The following PPTC7 variants were observed in gnomAD, a reference collection of about 807,000 sequenced individuals.
PPTC7 encodes the protein protein phosphatase targeting COQ7.
PPTC7 carries 6 observed loss-of-function variants against 30.8 expected under a neutral mutation model. The ratio of observed to expected loss-of-function variants is 0.19; its 90% CI spans 0.11 to 0.38. The LOEUF (loss-of-function observed/expected upper bound fraction) is 0.38. Ranked by LOEUF, PPTC7 falls within the 10% of genes least tolerant of loss-of-function variation. The pLI is 1.00. For synonymous variants in PPTC7, 163 were observed against 168.1 expected (o/e 0.97, Z 0.23); for missense variants, 218 against 404.8 (o/e 0.54, Z 3.96).
rs562039035 is a variant in PPTC7 at position 110,560,546 on chromosome 12, G to A, written c.224-8578C>T. Among the ~76,000 whole-genome samples, 251 of 152,260 alleles carry A rather than the reference G, an allele frequency of 1.6e-3. 1 individual carries two copies. The highest frequency in any genetic ancestry group is 3.2e-3 in the Non-Finnish European group (216 of 68,024). ...CTTCTGAACTAGTCAAAATCAGCAA[G>A]AGCGTCTCCAGTCCTGTCCTCCATT... On this transcript the variant is annotated intron_variant, in intron 1 of 5. Transcript: ENST00000354300.
At chr12:110,559,245 G>A (rs1428326998) in intron 1 of PPTC7, among the ~76,000 whole-genome samples, 1 of 151,318 alleles carries the variant, frequency 6.6e-6, no homozygotes, top group Non-Finnish European at 1.5e-5. Context: ...GCCCAGGCTG[G>A]TCTCAAACTC....
intron 4 of PPTC7, among the ~76,000 whole-genome samples, chr12:110,539,437 C>A (rs1232191746): frequency 1.3e-5 from 2 of 152,212 alleles, no homozygotes; most frequent in East Asian, 1.9e-4. Flanking sequence ...TCAGGTCACA[C>A]TGAGGCTTCC....
chr12:110,556,757 G>C (rs1403490871), intron 1 of PPTC7, among the ~76,000 whole-genome samples: 2 of 152,158 alleles, frequency 1.3e-5, no homozygotes, highest in African/African-American at 4.8e-5. Context: ...TGAGAAAGCC[G>C]GTCTCTGAGA....
At chr12:110,565,515 A>G (rs2064476586) in intron 1 of PPTC7, among the ~76,000 whole-genome samples, 1 of 152,140 alleles carries the variant, frequency 6.6e-6, no homozygotes, top group South Asian at 2.1e-4. Context: ...TTGGCCTCCC[A>G]AAGTGCTGGG....
At chr12:110,561,714 T>C (rs974983872) in intron 1 of PPTC7, among the ~76,000 whole-genome samples, 2 of 152,152 alleles carry the variant, frequency 1.3e-5, no homozygotes, top group Non-Finnish European at 2.9e-5. Context: ...CCCAGCACTG[T>C]GGGAGGCTGA....
intron 1 of PPTC7, among the ~76,000 whole-genome samples, chr12:110,574,966 T>A (rs2064575822): frequency 6.8e-6 from 1 of 147,652 alleles, no homozygotes; most frequent in South Asian, 2.2e-4. Flanking sequence ...TTTTTTAAAC[T>A]TTTAGTGGAG....
At chr12:110,538,430 C>T (rs984197062) in intron 4 of PPTC7, among the ~76,000 whole-genome samples, 157 bp from the exon 5 acceptor site, 3 of 152,212 alleles carry the variant, frequency 2.0e-5, no homozygotes, top group Non-Finnish European at 2.9e-5. Flanking sequence ...GCTGCCTGCA[C>T]AAGGTATCAA....
chr12:110,558,752 AG>A (rs2064410207), intron 1 of PPTC7, among the ~76,000 whole-genome samples: 1 of 151,942 alleles, frequency 6.6e-6, no homozygotes, highest in African/African-American at 2.4e-5. Flanking sequence ...CAGCCCCCCA[AG>A]TAGCTACCAC....
At chr12:110,548,703 A>AT (rs1328833203) in intron 2 of PPTC7, among the ~76,000 whole-genome samples, 5 of 152,210 alleles carry the variant, frequency 3.3e-5, no homozygotes, top group Admixed American at 2.6e-4. Context: ...GTGACTCCTT[A>AT]TATACTCACT....
In PPTC7 at chr12:110,556,572, A is replaced by G. The variant is rs138169383; in HGVS notation, c.224-4604T>C. On this transcript the variant is annotated intron_variant, in intron 1 of 5. Coordinates refer to ENST00000354300, the MANE Select transcript of PPTC7 (RefSeq NM_139283.2). Reference sequence around the variant, plus strand: ...CCAGATATAAAGGGAAATTTCATTCAGAATACATGTCAAAGGTAAAGAAAA... The same window carrying G: ...CCAGATATAAAGGGAAATTTCATTCGGAATACATGTCAAAGGTAAAGAAAA... Among the ~76,000 whole-genome samples the G allele has an allele frequency of 7.7e-3, 1,180 of 152,378 alleles. 24 individuals are homozygous for G. Among genetic ancestry groups the G allele is most frequent in the African/African-American group, 0.026 (1,101 of 41,598 alleles).
chr12:110,581,818 T>G (rs936349924), intron 1 of PPTC7, among the ~76,000 whole-genome samples: 3 of 152,208 alleles, frequency 2.0e-5, no homozygotes, highest in African/African-American at 7.2e-5. Context: ...ACCAAAAACT[T>G]AGTCTCACCT....
intron 1 of PPTC7, among the ~76,000 whole-genome samples, chr12:110,564,245 G>T (rs1033391357): frequency 6.6e-6 from 1 of 152,200 alleles, no homozygotes; most frequent in South Asian, 2.1e-4. Flanking sequence ...CATACTTATT[G>T]TAAGTTATGA....
chr12:110,564,117 GT>G (rs2064460784), intron 1 of PPTC7, among the ~76,000 whole-genome samples: 1 of 152,210 alleles, frequency 6.6e-6, no homozygotes, highest in Non-Finnish European at 1.5e-5. Context: ...TGAAGGTTAA[GT>G]TACTGAAAAG....
chr12:110,579,999 G>A (rs2064623535), intron 1 of PPTC7, among the ~76,000 whole-genome samples: 1 of 151,082 alleles, frequency 6.6e-6, no homozygotes, highest in African/African-American at 2.4e-5. Flanking sequence ...GGCAACAAGA[G>A]CGAAACTCCA....
chr12:110,554,626 T>C (rs538884782), intron 1 of PPTC7, among the ~76,000 whole-genome samples: 1 of 152,206 alleles, frequency 6.6e-6, no homozygotes, highest in Non-Finnish European at 1.5e-5. Flanking sequence ...AGAGCTCCTT[T>C]ATCAAGAGGA....
intron 1 of PPTC7, among the ~76,000 whole-genome samples, chr12:110,582,481 G>T (rs574695797): frequency 6.6e-6 from 1 of 152,302 alleles, no homozygotes; most frequent in East Asian, 1.9e-4. Flanking sequence ...CCCAGGGAGG[G>T]GACGAGGTCG....
intron 4 of PPTC7, 92 bp from the exon 5 acceptor site, chr12:110,538,365 A>G: frequency 8.0e-7 from 1 of 1,255,238 alleles, no homozygotes; most frequent in Non-Finnish European, 1.1e-6. Context: ...GTTTTATTCT[A>G]GTTAGAAAAG....
intron 2 of PPTC7, among the ~76,000 whole-genome samples, chr12:110,550,775 G>A (rs140867044): frequency 1.3e-5 from 2 of 152,110 alleles, no homozygotes; most frequent in East Asian, 1.9e-4. Context: ...CAAGATTATC[G>A]GGGATCTAAT....
intron 1 of PPTC7, among the ~76,000 whole-genome samples, chr12:110,554,390 G>A (rs2064371066): frequency 6.6e-6 from 1 of 151,996 alleles, no homozygotes; most frequent in African/African-American, 2.4e-5. Flanking sequence ...TATTGCCCAG[G>A]CTTATTTTGA....
Sources: gnomAD v4.1 joint callset for allele counts (sites outside exome capture counted in the v4.1 genomes callset) on GRCh38, gnomAD v4.1.1 for gene constraint, MANE v1.5 for transcripts, NCBI Gene and HGNC (gene_info 2026-07-23, HGNC 2026-07-21) for gene names.